Variants in LDB2 observed in about 807,000 individuals in gnomAD.
The protein encoded by LDB2 is LIM domain-binding protein 2.
A neutral mutation model predicts 44.3 loss-of-function variants in LDB2; 12 were observed. The observed-to-expected ratio is 0.27, with a 90% CI of 0.17 to 0.44. The LOEUF (loss-of-function observed/expected upper bound fraction) is 0.44, where lower values mean the gene tolerates loss of function less well. Among genes scored for constraint, LDB2 ranks in the 20% least tolerant of loss-of-function variants. The probability of loss-of-function intolerance (pLI) is 1.00; values close to 1 mark genes in which losing one functional copy is unlikely to be tolerated. For missense variants in LDB2, 344 were observed against 473.5 expected (o/e 0.73, Z 2.54); for synonymous variants, 164 against 174.8 (o/e 0.94, Z 0.49).
intron 1 of LDB2, among the ~76,000 whole-genome samples, chr4:16,857,029 T>G (rs571761275): frequency 6.6e-6 from 1 of 152,332 alleles, no homozygotes; most frequent in South Asian, 2.1e-4. Context: ...GAAGTAGACT[T>G]GAAGTCCCAC....
chr4:16,679,808 A>G (rs773893982), intron 2 of LDB2, among the ~76,000 whole-genome samples: 25 of 152,332 alleles, frequency 1.6e-4, no homozygotes, highest in Non-Finnish European at 3.4e-4. Context: ...CAGGAATGCC[A>G]GGTGCCAGCC....
chr4:16,731,000 T>C (rs148076852), intron 2 of LDB2, among the ~76,000 whole-genome samples: 190 of 152,294 alleles, frequency 1.2e-3, no homozygotes, highest in South Asian at 9.5e-3. Flanking sequence ...GGACAAAGCT[T>C]TCCCACACTT....
intron 1 of LDB2, among the ~76,000 whole-genome samples, chr4:16,760,649 A>T (rs1767700772): frequency 6.6e-6 from 1 of 152,150 alleles, no homozygotes; most frequent in Non-Finnish European, 1.5e-5. Context: ...TGAATAAGAG[A>T]CTGGTCCCTA....
chr4:16,752,370 T>C (rs571124121), intron 2 of LDB2: 5 of 448,932 alleles, frequency 1.1e-5, no homozygotes, highest in African/African-American at 8.0e-5. Flanking sequence ...ACAGATGTGG[T>C]AATTGTAATT....
At chr4:16,847,571 T>C (rs1184075290) in intron 1 of LDB2, among the ~76,000 whole-genome samples, 1 of 152,168 alleles carries the variant, frequency 6.6e-6, no homozygotes, top group African/African-American at 2.4e-5. Flanking sequence ...TACTTGGCAA[T>C]CATTGGTAAA....
intron 2 of LDB2, among the ~76,000 whole-genome samples, chr4:16,724,945 G>A (rs1049940382): frequency 6.6e-6 from 1 of 152,166 alleles, no homozygotes. Context: ...GTTAAGTCCA[G>A]ACATAAAAAA....
At chr4:16,736,415 C>T (rs978751420) in intron 2 of LDB2, among the ~76,000 whole-genome samples, 2 of 152,306 alleles carry the variant, frequency 1.3e-5, no homozygotes, top group East Asian at 1.9e-4. Flanking sequence ...TTTAAAAAGG[C>T]TGTTTCCGCC....
intron 1 of LDB2, among the ~76,000 whole-genome samples, chr4:16,799,017 A>T (rs1561268430): frequency 6.6e-6 from 1 of 151,106 alleles, no homozygotes; most frequent in Admixed American, 6.6e-5. Flanking sequence ...CACCCGGCTA[A>T]TTTTTTTTTG....
intron 1 of LDB2, among the ~76,000 whole-genome samples, chr4:16,835,866 T>G (rs908325930): frequency 1.3e-5 from 2 of 152,224 alleles, no homozygotes; most frequent in African/African-American, 4.8e-5. Flanking sequence ...CTCTCCTTCC[T>G]GCTCTACCAG....
chr4:16,647,060 G>A (rs1736994714), intron 2 of LDB2, among the ~76,000 whole-genome samples: 1 of 152,140 alleles, frequency 6.6e-6, no homozygotes, highest in South Asian at 2.1e-4. Flanking sequence ...AACAACCCAT[G>A]TATTCATCAA....
At chr4:16,765,065 G>A (rs1409296436) in intron 1 of LDB2, among the ~76,000 whole-genome samples, 1 of 152,208 alleles carries the variant, frequency 6.6e-6, no homozygotes, top group Admixed American at 6.5e-5. Context: ...GGACTTCCAA[G>A]TAAATGGTAT....
chr4:16,851,409 A>T (rs1788217659), intron 1 of LDB2, among the ~76,000 whole-genome samples: 1 of 152,002 alleles, frequency 6.6e-6, no homozygotes, highest in African/African-American at 2.4e-5. Flanking sequence ...GGATTGTGGC[A>T]ATCACAATAG....
At chr4:16,651,521 G>A (rs1038648800) in intron 2 of LDB2, among the ~76,000 whole-genome samples, 3 of 151,962 alleles carry the variant, frequency 2.0e-5, no homozygotes, top group Non-Finnish European at 4.4e-5. Flanking sequence ...GTTAACACAG[G>A]AACGGCTAGA....
At chr4:16,644,429 C>CTTT (rs1182465425) in intron 2 of LDB2, among the ~76,000 whole-genome samples, 4 of 139,110 alleles carry the variant, frequency 2.9e-5, no homozygotes, top group Admixed American at 1.4e-4. Flanking sequence ...ATTTTTTTTT[C>CTTT]TTTTTTTTTT....
intron 1 of LDB2, among the ~76,000 whole-genome samples, chr4:16,887,656 G>A (rs1722138484): frequency 6.6e-6 from 1 of 151,336 alleles, no homozygotes; most frequent in Non-Finnish European, 1.5e-5. Context: ...ACCTACGTTG[G>A]GAAGAGAAGT....
At chr4:16,889,225 C>A (rs1476640889) in intron 1 of LDB2, 1 of 152,086 alleles carries the variant, frequency 6.6e-6, no homozygotes, top group Non-Finnish European at 1.5e-5. Context: ...TGATTAATGG[C>A]CCCGAAAGCA....
intron 1 of LDB2, among the ~76,000 whole-genome samples, chr4:16,760,542 T>C (rs1045817506): frequency 1.3e-5 from 2 of 151,942 alleles, no homozygotes; most frequent in East Asian, 1.9e-4. Flanking sequence ...CGAAGAGCAA[T>C]GCATGGATCC....
intron 1 of LDB2, among the ~76,000 whole-genome samples, chr4:16,821,376 A>ATT (rs57843463): frequency 1.2e-3 from 134 of 115,618 alleles, no homozygotes; most frequent in African/African-American, 3.1e-3. Context: ...GAATATTTGA[A>ATT]TTTTTTTTTT....
chr4:16,573,423 A>G (rs1392895), intron 5 of LDB2, among the ~76,000 whole-genome samples: 14,517 of 152,170 alleles, frequency 0.095, 796 homozygotes, highest in East Asian at 0.24. Flanking sequence ...CCAGTCAATG[A>G]GATGAGTCAT....
Sources: allele counts gnomAD v4.1 joint callset (sites outside exome capture counted in the v4.1 genomes callset), GRCh38; gene constraint gnomAD v4.1.1; transcripts MANE v1.5; gene names NCBI Gene and HGNC (gene_info 2026-07-23, HGNC 2026-07-21).